STOX2: variants seen among roughly 807,000 people sequenced by gnomAD.
STOX2 encodes the protein storkhead-box protein 2.
STOX2 carries 28 observed loss-of-function variants against 60.9 expected under a neutral mutation model. The observed-to-expected ratio is 0.46, with a 90% CI of 0.34 to 0.63. STOX2 has a LOEUF of 0.63. STOX2 is among the 30% of genes least tolerant of loss of function. STOX2 has a pLI of 0.01. For synonymous variants in STOX2, 472 were observed against 463.9 expected (o/e 1.02, Z -0.22); for missense variants, 1,024 against 1,187.7 (o/e 0.86, Z 2.03).
Position 184,018,922 on chromosome 4 carries a change from A to AAT in STOX2, c.*1647_*1648dup, listed in dbSNP as rs1484073853. On this transcript the variant is annotated 3_prime_UTR_variant, in exon 4 of 4. Transcript: ENST00000308497. Reference sequence around the variant, plus strand: ...TGCTGTTGGGAGCCATACACCATAAAATATATATATCCCAAAATAAATCTA... The same window carrying AAT: ...TGCTGTTGGGAGCCATACACCATAAAATATATATATATCCCAAAATAAATCTA... 1 of 152,172 alleles carries AAT rather than the reference A, an allele frequency of 6.6e-6. No individual in the cohort carries two copies. The highest frequency in any genetic ancestry group is 1.5e-5 in the Non-Finnish European group (1 of 68,034). The allele number at this position is 152,172 out of a possible 1,614,324, so 9.4% of individuals were successfully genotyped here. A position where few individuals can be genotyped will look rare whatever the true frequency, so the allele number is the denominator to read the frequency against.
At chr4:183,896,249 G>A (rs1426616767) in intron 1 of STOX2, among the ~76,000 whole-genome samples, 1 of 152,234 alleles carries the variant, frequency 6.6e-6, no homozygotes, top group Non-Finnish European at 1.5e-5. Flanking sequence ...GACCAGCGCT[G>A]GGTGAAATGT....
intron 1 of STOX2, among the ~76,000 whole-genome samples, chr4:183,959,745 C>G (rs764834029): frequency 6.6e-6 from 1 of 152,132 alleles, no homozygotes; most frequent in Non-Finnish European, 1.5e-5. Flanking sequence ...ACATAAATAT[C>G]TATGCTGAAT....
At chr4:183,801,024 C>G (rs1738752393) in intron 1 of STOX2, among the ~76,000 whole-genome samples, 1 of 152,182 alleles carries the variant, frequency 6.6e-6, no homozygotes, top group African/African-American at 2.4e-5. Context: ...TATGCTGTAA[C>G]TTGAAACACC....
rs750163165 is a variant in STOX2 at position 183,821,651 on chromosome 4, G to A, written c.364+23596G>A. Among the ~76,000 whole-genome samples the A allele has an allele frequency of 1.4e-4, 21 of 152,194 alleles. No individual in the cohort carries two copies. The highest frequency in any genetic ancestry group is 4.4e-5 in the Non-Finnish European group (3 of 68,032). ...GGCTGGGAAGGTGAGGGTTGGCAGT[G>A]TGTCCTCTTCCGGAACTGCAGGGTG... On this transcript the variant is annotated intron_variant, in intron 1 of 2. Transcript: ENST00000513034. The surrounding 1 kb of genome is among the most constrained non-coding windows in gnomAD (Gnocchi z 4.2).
chr4:183,881,353 A>C (rs1032283941), intron 1 of STOX2, among the ~76,000 whole-genome samples: 1 of 152,116 alleles, frequency 6.6e-6, no homozygotes, highest in Non-Finnish European at 1.5e-5. Flanking sequence ...ATACAAAAAA[A>C]ATTAGTTAGG....
At chr4:183,990,578 ATTTTTTTTTTTTTTTTTTTTT>A (rs57369052) in intron 1 of STOX2, among the ~76,000 whole-genome samples, 30,598 of 83,142 alleles carry the variant, frequency 0.37, 4,572 homozygotes, top group Admixed American at 0.49. Flanking sequence ...AAAAAGCAGG[ATTTTTTTTTTTTTTTTTTTTT>A]TTTTTTTTTT....
chr4:183,909,208 C>G (rs112673876), intron 1 of STOX2, among the ~76,000 whole-genome samples: 7,506 of 152,170 alleles, frequency 0.049, 220 homozygotes, highest in South Asian at 0.11. Flanking sequence ...TGGCTCCTTT[C>G]AAAATGTGAG....
At chr4:183,960,464 G>A (rs979765422) in intron 1 of STOX2, among the ~76,000 whole-genome samples, 12 of 152,106 alleles carry the variant, frequency 7.9e-5, no homozygotes, top group African/African-American at 2.2e-4. Context: ...AACTTAACAC[G>A]TGTGTATGCT....
intron 1 of STOX2, among the ~76,000 whole-genome samples, chr4:183,857,963 T>A (rs534763057): frequency 1.3e-5 from 2 of 152,272 alleles, no homozygotes; most frequent in East Asian, 3.9e-4. Context: ...TCGAGTGCCT[T>A]TTATACCCCA....
intron 1 of STOX2, among the ~76,000 whole-genome samples, chr4:183,833,259 G>C (rs1739617207): frequency 6.6e-6 from 1 of 152,248 alleles, no homozygotes; most frequent in South Asian, 2.1e-4. Flanking sequence ...CCATGATTAT[G>C]GTGTGACCTG....
chr4:183,957,130 G>T (rs1276150498), intron 1 of STOX2, among the ~76,000 whole-genome samples: 1 of 142,670 alleles, frequency 7.0e-6, no homozygotes, highest in Non-Finnish European at 1.5e-5. Flanking sequence ...TTGTACACAT[G>T]TACCCTAAAA....
At chr4:183,867,941 G>C (rs1740608278) in intron 1 of STOX2, among the ~76,000 whole-genome samples, 1 of 152,198 alleles carries the variant, frequency 6.6e-6, no homozygotes, top group South Asian at 2.1e-4. Flanking sequence ...GGGACAGTCA[G>C]AATTTTCCCT....
chr4:183,881,807 T>A (rs1221311931), intron 1 of STOX2, among the ~76,000 whole-genome samples: 1 of 152,238 alleles, frequency 6.6e-6, no homozygotes, highest in Non-Finnish European at 1.5e-5. Context: ...CTGTGTGGCA[T>A]GCGTGCCATC....
intron 1 of STOX2, among the ~76,000 whole-genome samples, chr4:183,859,200 C>T (rs1740372882): frequency 1.3e-5 from 2 of 152,296 alleles, no homozygotes; most frequent in East Asian, 1.9e-4. Flanking sequence ...CCTGCTCTGG[C>T]CCATTCTCTC....
At chr4:183,939,783 C>T (rs1579443334) in intron 1 of STOX2, among the ~76,000 whole-genome samples, 5 of 152,238 alleles carry the variant, frequency 3.3e-5, no homozygotes, top group Middle Eastern at 6.8e-3. Flanking sequence ...AACTTCTCCG[C>T]GTCCCAGTTT....
At chr4:183,967,226 G>A (rs1367097250) in intron 1 of STOX2, among the ~76,000 whole-genome samples, 2 of 152,262 alleles carry the variant, frequency 1.3e-5, no homozygotes, top group East Asian at 1.9e-4. Context: ...GCCGGGTGTG[G>A]TGGTGCATGC....
At chr4:183,849,778 GT>G (rs1344722801) in intron 1 of STOX2, among the ~76,000 whole-genome samples, 3 of 151,950 alleles carry the variant, frequency 2.0e-5, no homozygotes, top group Non-Finnish European at 4.4e-5. Context: ...TCGGCACATC[GT>G]TTTTGTGTAT....
intron 1 of STOX2, among the ~76,000 whole-genome samples, chr4:183,999,338 C>G (rs1733485304): frequency 6.6e-6 from 1 of 152,150 alleles, no homozygotes; most frequent in African/African-American, 2.4e-5. Context: ...CAAAATATTA[C>G]AAGAATTTTT....
intron 1 of STOX2, among the ~76,000 whole-genome samples, chr4:183,933,764 T>A (rs1203286279): frequency 1.3e-5 from 2 of 152,180 alleles, no homozygotes; most frequent in Non-Finnish European, 2.9e-5. Flanking sequence ...ATGAGGTAAT[T>A]AGAATTGTAG....
Sources: gnomAD v4.1 joint callset for allele counts (sites outside exome capture counted in the v4.1 genomes callset) on GRCh38, gnomAD v4.1.1 for gene constraint, Gnocchi (gnomAD v3.1) non-coding constraint, MANE v1.5 for transcripts, NCBI Gene and HGNC (gene_info 2026-07-23, HGNC 2026-07-21) for gene names.